The following EEIG1 variants were observed in gnomAD, a reference collection of about 807,000 sequenced individuals.
The protein encoded by EEIG1 is estrogen-induced osteoclastogenesis regulator 1, also known as early estrogen-induced gene 1 protein.
At chr9:127,962,337 G>A in the EEIG1 span, among the ~76,000 whole-genome samples, 2 of 152,220 alleles carry the variant, frequency 1.3e-5, no homozygotes, top group African/African-American at 4.8e-5. Context: ...AGATGGGCAT[G>A]GTGCCCCTTT....
At chr9:127,970,674 C>T in the EEIG1 span, among the ~76,000 whole-genome samples, 3 of 152,174 alleles carry the variant, frequency 2.0e-5, no homozygotes, top group East Asian at 5.8e-4. Flanking sequence ...AAATGTGACT[C>T]GGATTCACAG....
At chr9:127,945,421 G>T in the EEIG1 span, 1 of 1,572,532 alleles carries the variant, frequency 6.4e-7, no homozygotes, top group East Asian at 2.3e-5. This position sits in a 1 kb window ranked among gnomAD's most constrained non-coding sequence, Gnocchi z 6.5. Flanking sequence ...CGGCTTCTCC[G>T]GGGGCCGGTG....
the EEIG1 span, among the ~76,000 whole-genome samples, chr9:127,966,900 C>T: frequency 6.6e-6 from 1 of 152,210 alleles, no homozygotes; most frequent in African/African-American, 2.4e-5. Context: ...CCAGGCCCCC[C>T]TTCAGGAACC....
the EEIG1 span, among the ~76,000 whole-genome samples, chr9:127,967,080 C>T: frequency 6.6e-6 from 1 of 152,176 alleles, no homozygotes; most frequent in Non-Finnish European, 1.5e-5. Context: ...GCTTTGAGAC[C>T]AGGTTTATGC....
the EEIG1 span, among the ~76,000 whole-genome samples, chr9:127,949,170 C>T: frequency 1.2e-4 from 18 of 151,890 alleles, no homozygotes; most frequent in Non-Finnish European, 2.1e-4. Flanking sequence ...AAAAATTAGC[C>T]GGGCGTGGTG....
the EEIG1 span, among the ~76,000 whole-genome samples, chr9:127,978,252 G>C: frequency 1.3e-5 from 2 of 152,182 alleles, no homozygotes; most frequent in African/African-American, 4.8e-5. Flanking sequence ...TCCCAGCAGA[G>C]TGTTTGACCT....
the EEIG1 span, among the ~76,000 whole-genome samples, chr9:127,946,427 C>T: frequency 0.013 from 1,954 of 152,318 alleles, 118 homozygotes; most frequent in East Asian, 0.2. Flanking sequence ...CCTGCCTTCC[C>T]GCCCAACACA....
At chr9:127,953,752 G>C in the EEIG1 span, 1 of 1,613,626 alleles carries the variant, frequency 6.2e-7, no homozygotes, top group Admixed American at 1.7e-5. Flanking sequence ...GGACTCATGA[G>C]GGGAGGGGCC....
At chr9:127,975,947 C>T in the EEIG1 span, among the ~76,000 whole-genome samples, 4 of 152,172 alleles carry the variant, frequency 2.6e-5, no homozygotes, top group African/African-American at 9.7e-5. Flanking sequence ...TGGGAGAATA[C>T]AAATGCTCAC....
chr9:127,951,938 C>T, the EEIG1 span, among the ~76,000 whole-genome samples: 7 of 152,314 alleles, frequency 4.6e-5, no homozygotes, highest in African/African-American at 1.4e-4. Flanking sequence ...GCACCACGTC[C>T]AGCCACTTCT....
At chr9:127,954,029 G>A in the EEIG1 span, 1 of 1,385,464 alleles carries the variant, frequency 7.2e-7, no homozygotes, top group Non-Finnish European at 1.0e-6. Flanking sequence ...TGAGGCGGTG[G>A]GAAGCTCCAC....
At chr9:127,971,697 G>C in the EEIG1 span, among the ~76,000 whole-genome samples, 1 of 152,198 alleles carries the variant, frequency 6.6e-6, no homozygotes, top group African/African-American at 2.4e-5. Flanking sequence ...ATGATGCAAG[G>C]ACTACTCCTG....
At chr9:127,963,876 C>A in the EEIG1 span, 1 of 152,314 alleles carries the variant, frequency 6.6e-6, no homozygotes, top group Non-Finnish European at 1.5e-5. Context: ...CTGCAGTCAC[C>A]GCCAGTCTCC....
chr9:127,950,549 G>A, the EEIG1 span: 6 of 1,613,338 alleles, frequency 3.7e-6, no homozygotes, highest in African/African-American at 2.7e-5. Context: ...GCTAGGAGGT[G>A]AGAGGAGCGT....
the EEIG1 span, among the ~76,000 whole-genome samples, chr9:127,949,375 C>T: frequency 6.6e-6 from 1 of 150,956 alleles, no homozygotes; most frequent in African/African-American, 2.4e-5. Context: ...GGCTTATTCA[C>T]TCGGCCATGA....
At chr9:127,965,907 G>A in the EEIG1 span, among the ~76,000 whole-genome samples, 1 of 152,214 alleles carries the variant, frequency 6.6e-6, no homozygotes, top group Non-Finnish European at 1.5e-5. Flanking sequence ...TCCTAGCATG[G>A]CCAGGACCTC....
At chr9:127,969,369 G>A in the EEIG1 span, among the ~76,000 whole-genome samples, 7 of 152,132 alleles carry the variant, frequency 4.6e-5, no homozygotes, top group Admixed American at 1.3e-4. Context: ...ACAATTACAG[G>A]GACAGAGGGA....
the EEIG1 span, among the ~76,000 whole-genome samples, chr9:127,978,588 A>G: frequency 1.5e-5 from 2 of 132,860 alleles, no homozygotes; most frequent in Non-Finnish European, 3.2e-5. Flanking sequence ...CCAGCACTCT[A>G]GAAGGCCAGG....
the EEIG1 span, chr9:127,944,850 C>T: frequency 2.4e-5 from 39 of 1,612,658 alleles, no homozygotes; most frequent in African/African-American, 2.4e-4. Context: ...CATCGATCCG[C>T]GTGTCGTCCA....
Sources: allele counts gnomAD v4.1 joint callset (sites outside exome capture counted in the v4.1 genomes callset), GRCh38; gene constraint gnomAD v4.1.1; non-coding constraint Gnocchi (gnomAD v3.1); transcripts MANE v1.5; gene names NCBI Gene and HGNC (gene_info 2026-07-23, HGNC 2026-07-21).